BDP1: variants seen among roughly 807,000 people sequenced by gnomAD.
BDP1 encodes the protein BDP1 general transcription factor IIIB subunit.
A neutral mutation model predicts 266.6 loss-of-function variants in BDP1; 169 were observed. The ratio of observed to expected loss-of-function variants is 0.63; its 90% CI spans 0.56 to 0.72. BDP1 has a LOEUF of 0.72. BDP1 is among the 30% of genes least tolerant of loss of function. BDP1 has a pLI of 0.00. For missense variants in BDP1, 3,015 were observed against 3,053.8 expected (o/e 0.99, Z 0.30); for synonymous variants, 1,090 against 1,022.4 (o/e 1.07, Z -1.26).
intron 38 of BDP1, chr5:71,562,744 TG>T: frequency 1.4e-6 from 2 of 1,443,412 alleles, no homozygotes; most frequent in Non-Finnish European, 1.8e-6. Flanking sequence ...TAACCATAAA[TG>T]GACACTTAAT....
At chr5:71,527,188 G>C (rs893326952) in intron 25 of BDP1, among the ~76,000 whole-genome samples, 2 of 151,824 alleles carry the variant, frequency 1.3e-5, no homozygotes, top group Non-Finnish European at 2.9e-5. Flanking sequence ...CCCAAAGTGC[G>C]GGGATTACAG....
intron 2 of BDP1, among the ~76,000 whole-genome samples, chr5:71,460,954 A>T (rs1279543860): frequency 6.6e-6 from 1 of 152,116 alleles, no homozygotes; most frequent in African/African-American, 2.4e-5. Flanking sequence ...AGCATTTTAT[A>T]CATTGAGCTT....
chr5:71,471,252 C>G (rs1237840837), intron 7 of BDP1, among the ~76,000 whole-genome samples: 1 of 148,716 alleles, frequency 6.7e-6, no homozygotes, highest in East Asian at 2.0e-4. Context: ...AAGTGATTCT[C>G]CTGCCTCAGC....
At chr5:71,472,980 T>C (rs1762354971) in intron 7 of BDP1, among the ~76,000 whole-genome samples, 1 of 144,356 alleles carries the variant, frequency 6.9e-6, no homozygotes, top group South Asian at 2.3e-4. Flanking sequence ...CCTCCTGGGC[T>C]TGAGTGATCC....
In BDP1 at chr5:71,525,512, C is replaced by T. The variant is rs1325968060; in HGVS notation, c.5772+1189C>T. Among the ~76,000 whole-genome samples the T allele has an allele frequency of 5.0e-4, 67 of 134,278 alleles. 1 individual carries two copies. Among genetic ancestry groups the T allele is most frequent in the Admixed American group, 4.5e-3 (63 of 13,902 alleles). The allele number at this position is 134,278 out of a possible 152,430, so 88.1% of individuals were successfully genotyped here. A position where few individuals can be genotyped will look rare whatever the true frequency, so the allele number is the denominator to read the frequency against. On this transcript the variant is annotated intron_variant, in intron 25 of 38. Transcript: ENST00000358731. ...GGGGCTGACACCCCTACCTCCCTCCCGGACGGGGCGGCTGGCCGGGCGGGG... is the reference window on the plus strand; with the variant it reads ...GGGGCTGACACCCCTACCTCCCTCCTGGACGGGGCGGCTGGCCGGGCGGGG...
At chr5:71,473,530 C>G (rs1373566048) in intron 7 of BDP1, among the ~76,000 whole-genome samples, 1 of 152,024 alleles carries the variant, frequency 6.6e-6, no homozygotes, top group Non-Finnish European at 1.5e-5. Context: ...GCCTCGGCCT[C>G]CCAAAGTGCT....
chr5:71,491,036 G>A lies in BDP1; in HGVS notation c.1545G>A (p.Glu515=). Residue 515 remains glutamate (E), a synonymous_variant, in exon 11 of 39, where the codon GAG becomes GAA. Transcript: ENST00000358731. ...TAAAGGAAGGTGAATGCAGTAAGGA[G>A]CAGATGCTTTCCTGCACACAAAACA... ...PELKEGECSK[E]QMLSCTQNID... is the part of the protein sequence containing the mutation. The A allele has an allele frequency of 2.5e-6, 4 of 1,613,938 alleles. No homozygotes were observed. The highest frequency in any genetic ancestry group is 3.4e-6 in the Non-Finnish European group (4 of 1,179,856).
chr5:71,495,239 C>CTT lies in BDP1; in HGVS notation c.1641-4_1641-3dup. 2 of 1,494,592 alleles carry CTT rather than the reference C, an allele frequency of 1.3e-6. No homozygotes were observed. Among genetic ancestry groups the CTT allele is most frequent in the South Asian group, 1.4e-5 (1 of 69,980 alleles). 92.6% of individuals were successfully genotyped at this position (1,494,592 alleles called of 1,614,324 possible). A position where few individuals can be genotyped will look rare whatever the true frequency, so the allele number is the denominator to read the frequency against. Reference sequence around the variant, plus strand: ...AATTCTTTTCTCTCTGAAATATTTTCTTTTTTTTAGTAATCAACAAGATGC... The same window carrying CTT: ...AATTCTTTTCTCTCTGAAATATTTTCTTTTTTTTTTAGTAATCAACAAGATGC... On this transcript the variant is annotated splice_polypyrimidine_tract_variant and intron_variant, in intron 11 of 38. Transcript: ENST00000358731.
chr5:71,551,982 C>T (rs10226924), intron 34 of BDP1, among the ~76,000 whole-genome samples: 3 of 149,128 alleles, frequency 2.0e-5, no homozygotes, highest in Non-Finnish European at 3.0e-5. Context: ...CCGGACGGGG[C>T]GGCTGGCCTG....
At position 71,511,151 on chromosome 5, in the gene BDP1, G is replaced by A. The variant is rs2150475482; in HGVS notation, c.4059G>A (p.Gln1353=). The change falls in exon 17 of 39, where the codon CAG becomes CAA. Residue 1353 remains glutamine, a splice_region_variant and synonymous_variant. Transcript: ENST00000358731. ...GTGCTGTGCCTTCACTAGATATTCA[G>A]GTATGTATTTTTCTGTCCTTTAAAA... is the stretch of plus-strand genomic sequence containing the variant. ...DFSAVPSLDI[Q]NISSEVLSMM... is the part of the protein sequence containing the mutation. 6.3e-7 allele frequency: 1 copy of A among 1,596,426 alleles called. No homozygotes were observed.
intron 27 of BDP1, 123 bp from the exon 28 acceptor site, chr5:71,539,434 T>G (rs1766823313): frequency 1.3e-5 from 9 of 680,876 alleles, no homozygotes; most frequent in Non-Finnish European, 2.2e-5. Context: ...AGTAAGGGAT[T>G]AATGGCTCAG....
intron 11 of BDP1, among the ~76,000 whole-genome samples, chr5:71,493,243 AC>A (rs1561703893): frequency 6.6e-6 from 1 of 152,204 alleles, no homozygotes; most frequent in Non-Finnish European, 1.5e-5. Flanking sequence ...TGTACTCGTG[AC>A]TTTTTCTAAT....
chr5:71,488,800 C>T (rs1420353289), intron 9 of BDP1, among the ~76,000 whole-genome samples: 9 of 151,730 alleles, frequency 5.9e-5, no homozygotes, highest in Middle Eastern at 3.4e-3. Context: ...CTCCGCCTCC[C>T]GTGTTCAAGT....
intron 21 of BDP1, among the ~76,000 whole-genome samples, chr5:71,516,932 A>G (rs138013697): frequency 6.6e-6 from 1 of 152,320 alleles, no homozygotes; most frequent in Non-Finnish European, 1.5e-5. Context: ...TTTTAATTTC[A>G]TAGCAGGTGA....
chr5:71,509,986 C>G lies in BDP1; in HGVS notation c.2894C>G (p.Ser965Cys), dbSNP rs1237251058. The change falls in exon 17 of 39, where the codon TCC (serine) becomes TGC (cysteine). Residue 965 changes from serine to cysteine, a missense_variant. Coordinates refer to ENST00000358731, the MANE Select transcript of BDP1 (RefSeq NM_018429.3). ...TDLKATGNES[S>C]PREKTPEVTD... ...TTGAAAGCAACTGGAAATGAGAGTT[C>G]CCCAAGGGAGAAGACACCAGAGGTG... 1 of 1,612,000 alleles carries G rather than the reference C, an allele frequency of 6.2e-7. No homozygotes were observed. Among genetic ancestry groups the G allele is most frequent in the Non-Finnish European group, 8.5e-7 (1 of 1,179,554 alleles).
intron 11 of BDP1, among the ~76,000 whole-genome samples, chr5:71,494,167 A>G (rs1763745956): frequency 6.6e-6 from 1 of 152,230 alleles, no homozygotes; most frequent in Admixed American, 6.5e-5. Context: ...TTTATGTGTA[A>G]TATCTAGACA....
In BDP1 at chr5:71,565,646, T is replaced by C. The variant is rs975491073; in HGVS notation, c.*761T>C. On this transcript the variant is annotated 3_prime_UTR_variant, in exon 39 of 39. Coordinates refer to ENST00000358731, the MANE Select transcript of BDP1 (RefSeq NM_018429.3). ...TAGCAGCCTGTACCATCTCAGTGTTTGTAAGTACACTCTGCGTTGTTTCAC... is the reference window on the plus strand; with the variant it reads ...TAGCAGCCTGTACCATCTCAGTGTTCGTAAGTACACTCTGCGTTGTTTCAC... 1 of 152,916 alleles carries C rather than the reference T, an allele frequency of 6.5e-6. No homozygotes were observed. The highest frequency in any genetic ancestry group is 1.5e-5 in the Non-Finnish European group (1 of 68,574). 9.5% of individuals were successfully genotyped at this position (152,916 alleles called of 1,614,324 possible).
chr5:71,467,222 A>G, intron 5 of BDP1, 132 bp from the exon 6 acceptor site: 1 of 711,558 alleles, frequency 1.4e-6, no homozygotes, highest in Non-Finnish European at 2.3e-6. Flanking sequence ...AAATACCCAT[A>G]TTTCACATAG....
chr5:71,512,509 C>A, intron 18 of BDP1, 81 bp downstream of exon 18: 1 of 947,198 alleles, frequency 1.1e-6, no homozygotes, highest in Non-Finnish European at 1.5e-6. Flanking sequence ...CAAGATATAA[C>A]ATATACAGGA....
Sources: gnomAD v4.1 joint callset for allele counts (sites outside exome capture counted in the v4.1 genomes callset) on GRCh38, gnomAD v4.1.1 for gene constraint, MANE v1.5 for transcripts, NCBI Gene and HGNC (gene_info 2026-07-23, HGNC 2026-07-21) for gene names.